GPC5: variants seen among roughly 807,000 people sequenced by gnomAD.
GPC5 encodes glypican-5.
In GPC5, 47 loss-of-function variants were observed where a neutral mutation model predicts 53.9. The ratio of observed to expected loss-of-function variants is 0.87; its 90% CI spans 0.69 to 1.11. GPC5 has a LOEUF of 1.11. Among genes scored for constraint, GPC5 ranks in the 50% most tolerant of loss-of-function variants. The pLI is 0.00. For missense variants in GPC5, 748 were observed against 713.1 expected (o/e 1.05, Z -0.56); for synonymous variants, 286 against 263.3 (o/e 1.09, Z -0.84).
chr13:91,471,173 A>G (rs1882599888), intron 2 of GPC5, among the ~76,000 whole-genome samples: 1 of 152,148 alleles, frequency 6.6e-6, no homozygotes, highest in African/African-American at 2.4e-5. Context: ...TGTTGTGCAG[A>G]AGAAAATTCT....
At chr13:92,048,894 T>A (rs1399413502) in intron 6 of GPC5, among the ~76,000 whole-genome samples, 1 of 152,226 alleles carries the variant, frequency 6.6e-6, no homozygotes, top group Non-Finnish European at 1.5e-5. Context: ...AGTTTTTCCT[T>A]AACAAGAAGA....
intron 7 of GPC5, among the ~76,000 whole-genome samples, chr13:92,177,578 T>C (rs1315445898): frequency 6.6e-6 from 1 of 152,318 alleles, no homozygotes; most frequent in East Asian, 1.9e-4. Flanking sequence ...TTTTGTGTTC[T>C]TCAGAATAAC....
rs547903297 is a variant in GPC5, at chr13:91,851,530, A to G, written c.1281-56407A>G. Among the ~76,000 whole-genome samples the G allele has an allele frequency of 5.1e-4, 78 of 151,706 alleles. 1 individual carries two copies. The highest frequency in any genetic ancestry group is 1.8e-3 in the African/African-American group (76 of 41,354). On this transcript the variant is annotated intron_variant, in intron 5 of 7. Transcript: ENST00000377067. ...TTTTTATTATTATACTTCAAGTTTT[A>G]GGGTACATGTGCACATTGTGCAGGT...
chr13:92,144,479 G>A (rs963024713), intron 6 of GPC5, among the ~76,000 whole-genome samples: 7 of 152,148 alleles, frequency 4.6e-5, no homozygotes, highest in Non-Finnish European at 7.3e-5. Flanking sequence ...ATACTACAGA[G>A]GGAGTACTAG....
intron 5 of GPC5, among the ~76,000 whole-genome samples, chr13:91,847,219 C>CA (rs58401616): frequency 0.52 from 44,840 of 85,668 alleles, 10,946 homozygotes; most frequent in East Asian, 0.74. Flanking sequence ...GACTCCATCT[C>CA]AAAAAAAAAA....
chr13:91,685,824 T>C (rs2035609998), intron 2 of GPC5, among the ~76,000 whole-genome samples: 1 of 152,052 alleles, frequency 6.6e-6, no homozygotes, highest in South Asian at 2.1e-4. Context: ...TCTCATTCTC[T>C]TGAGATTTCA....
chr13:91,419,532 A>G (rs1878460916), intron 1 of GPC5, among the ~76,000 whole-genome samples: 1 of 152,202 alleles, frequency 6.6e-6, no homozygotes, highest in African/African-American at 2.4e-5. Flanking sequence ...AGGAACAAGA[A>G]AATTTTCATG....
intron 7 of GPC5, among the ~76,000 whole-genome samples, chr13:92,159,796 G>A (rs917639573): frequency 6.6e-6 from 1 of 151,498 alleles, no homozygotes; most frequent in Non-Finnish European, 1.5e-5. Context: ...TAGAGACGGG[G>A]TTTCACTGTG....
At chr13:92,594,517 C>A (rs1883806898) in intron 7 of GPC5, among the ~76,000 whole-genome samples, 1 of 152,188 alleles carries the variant, frequency 6.6e-6, no homozygotes, top group African/African-American at 2.4e-5. Flanking sequence ...TGCCCTCCCA[C>A]TGTAAAACAT....
In GPC5 at chr13:92,520,582, C is replaced by A. The variant is rs186797169; in HGVS notation, c.1562-345700C>A. ...AAGGCCTTTGACAAAATTCAACAGC[C>A]CTTCATGCTAAAAACTCTCAATAAA... On this transcript the variant is annotated intron_variant, in intron 7 of 7. Coordinates refer to ENST00000377067, the MANE Select transcript of GPC5 (RefSeq NM_004466.6). Among the ~76,000 whole-genome samples the A allele has an allele frequency of 3.2e-3, 488 of 152,132 alleles. 2 individuals are homozygous for A. Among genetic ancestry groups the A allele is most frequent in the African/African-American group, 0.011 (473 of 41,502 alleles).
intron 7 of GPC5, among the ~76,000 whole-genome samples, chr13:92,332,720 T>A (rs2043296780): frequency 6.6e-6 from 1 of 152,192 alleles, no homozygotes; most frequent in Admixed American, 6.5e-5. Flanking sequence ...AGAAAAAGAC[T>A]ATTGTCCAAT....
chr13:92,239,758 A>G (rs1421463724), intron 7 of GPC5: 1 of 51,960 alleles, frequency 1.9e-5, no homozygotes, highest in Non-Finnish European at 4.4e-5. Flanking sequence ...GGTCCATTAT[A>G]TTTCAATGAT....
rs577388391 is a variant in GPC5, at chr13:92,324,976, A to T, written c.1561+179987A>T. Among the ~76,000 whole-genome samples, 3 of 152,074 alleles carry T rather than the reference A, an allele frequency of 2.0e-5. No individual in the cohort carries two copies. The South Asian group carries it at 6.2e-4, about 32-fold the overall frequency. On this transcript the variant is annotated intron_variant, in intron 7 of 7. Coordinates refer to ENST00000377067, the MANE Select transcript of GPC5 (RefSeq NM_004466.6). ...TATAAACTGAGAGCATGATTACATCATTTAATTTGCATAAGGAAAAAGTGA... is the reference window on the plus strand; with the variant it reads ...TATAAACTGAGAGCATGATTACATCTTTTAATTTGCATAAGGAAAAAGTGA...
In GPC5 at chr13:92,856,513, G is replaced by C. The variant is rs148970251; in HGVS notation, c.1562-9769G>C. 1.9e-3 allele frequency among the ~76,000 whole-genome samples: 285 copies of C among 151,996 alleles called. 1 individual carries two copies. Among genetic ancestry groups the C allele is most frequent in the African/African-American group, 6.8e-3 (282 of 41,492 alleles). On this transcript the variant is annotated intron_variant, in intron 7 of 7. Transcript: ENST00000377067. The stretch of plus-strand genomic sequence containing the variant: ...CCAGAGGAAAGAGAAAGAAATAAAA[G>C]GTATCCAAATAGGAAATGAGGAAGT...
At chr13:92,327,251 C>T (rs910197746) in intron 7 of GPC5, among the ~76,000 whole-genome samples, 20 of 152,136 alleles carry the variant, frequency 1.3e-4, no homozygotes, top group Non-Finnish European at 1.5e-5. Flanking sequence ...AATGTCCTTG[C>T]TTAATTCAAA....
At chr13:91,869,070 G>A (rs77112656) in intron 5 of GPC5, among the ~76,000 whole-genome samples, 1 of 152,076 alleles carries the variant, frequency 6.6e-6, no homozygotes, top group African/African-American at 2.4e-5. Flanking sequence ...TTTAGATGGA[G>A]TCTTGCCCTG....
intron 2 of GPC5, among the ~76,000 whole-genome samples, chr13:91,555,226 C>T (rs1425084156): frequency 6.6e-6 from 1 of 151,982 alleles, no homozygotes; most frequent in Non-Finnish European, 1.5e-5. Context: ...GGAAAACGGC[C>T]TGGCCCGTGG....
At chr13:91,623,275 G>C (rs967395717) in intron 2 of GPC5, among the ~76,000 whole-genome samples, 1 of 152,168 alleles carries the variant, frequency 6.6e-6, no homozygotes, top group Admixed American at 6.6e-5. Context: ...TGTGTAGTGA[G>C]TTCAAGGACA....
chr13:92,087,767 C>G (rs1418627169), intron 6 of GPC5, among the ~76,000 whole-genome samples: 3 of 152,120 alleles, frequency 2.0e-5, no homozygotes, highest in Non-Finnish European at 4.4e-5. Context: ...TCCCACTTCT[C>G]TCTTATTTTA....
Sources: allele counts gnomAD v4.1 joint callset (sites outside exome capture counted in the v4.1 genomes callset), GRCh38; gene constraint gnomAD v4.1.1; transcripts MANE v1.5; gene names NCBI Gene and HGNC (gene_info 2026-07-23, HGNC 2026-07-21).